TRAF3IP1: variants seen among roughly 807,000 people sequenced by gnomAD.
The protein encoded by TRAF3IP1 is intraflagellar transport 54.
In TRAF3IP1, 53 loss-of-function variants were observed where a neutral mutation model predicts 89.9. The observed-to-expected ratio is 0.59, with a 90% CI of 0.47 to 0.74. The LOEUF is 0.74. TRAF3IP1 is among the 30% of genes least tolerant of loss of function. TRAF3IP1 has a pLI of 0.00. For synonymous variants in TRAF3IP1, 311 were observed against 322.1 expected (o/e 0.97, Z 0.37); for missense variants, 806 against 866.1 (o/e 0.93, Z 0.87).
intron 15 of TRAF3IP1, among the ~76,000 whole-genome samples, chr2:238,358,984 C>T (rs372510865): frequency 6.6e-6 from 1 of 152,210 alleles, no homozygotes; most frequent in Non-Finnish European, 1.5e-5. Context: ...TGGTCTCTTG[C>T]AACTATTGAA....
At chr2:238,367,163 C>CAA (rs33964253) in intron 15 of TRAF3IP1, among the ~76,000 whole-genome samples, 3,596 of 36,144 alleles carry the variant, frequency 0.099, 1,139 homozygotes, top group Middle Eastern at 0.38. Context: ...GACTCTGTCT[C>CAA]AAAAAAAAAA....
chr2:238,328,937 C>T lies in TRAF3IP1; in HGVS notation c.510C>T (p.Asp170=), dbSNP rs140534535. The part of the protein sequence containing the change: ...RVHKNTEDRG[D]AEIKERSTSR... The stretch of plus-strand genomic sequence containing the variant: ...TTTTTATTTCGTAGGATAGAGGAGA[C>T]GCTGAAATAAAAGAGAGAAGTACAA... The change falls in exon 5 of 17, where the codon GAC becomes GAT. Residue 170 remains aspartate, a synonymous_variant. Transcript: ENST00000373327. 265 of 1,554,710 alleles carry T rather than the reference C, an allele frequency of 1.7e-4. No individual in the cohort carries two copies. In the African/African-American group the frequency reaches 1.9e-3, roughly 11 times the overall value.
chr2:238,375,835 G>C (rs778162905), intron 15 of TRAF3IP1, among the ~76,000 whole-genome samples: 20 of 152,166 alleles, frequency 1.3e-4, no homozygotes, highest in Non-Finnish European at 2.4e-4. Flanking sequence ...AAAAAGTAAA[G>C]CTTTGTTTTG....
At chr2:238,353,424 G>T (rs1699263590) in intron 14 of TRAF3IP1, among the ~76,000 whole-genome samples, 1 of 152,208 alleles carries the variant, frequency 6.6e-6, no homozygotes, top group African/African-American at 2.4e-5. Flanking sequence ...AGAGGAGGGG[G>T]AGGGCACAGT....
chr2:238,345,020 T>C lies in TRAF3IP1; in HGVS notation c.1261+422T>C, dbSNP rs939644856. 4.6e-5 allele frequency among the ~76,000 whole-genome samples: 7 copies of C among 152,200 alleles called. No homozygotes were observed. Among genetic ancestry groups the C allele is most frequent in the Non-Finnish European group, 7.3e-5 (5 of 68,036 alleles). ...GAATTATACCTCAGTGGGATTTTAC[T>C]TTCACCATAAATTTTCTCAGCCTTT... is the stretch of plus-strand genomic sequence containing the variant. On this transcript the variant is annotated intron_variant, in intron 9 of 16. Transcript: ENST00000373327. The surrounding 1 kb of genome is among the most constrained non-coding windows in gnomAD (Gnocchi z 4.7).
At position 238,345,522 on chromosome 2, in the gene TRAF3IP1, A is replaced by G. The variant is rs1013802434; in HGVS notation, c.1261+924A>G. Among the ~76,000 whole-genome samples, 7 of 152,242 alleles carry G rather than the reference A, an allele frequency of 4.6e-5. No individual in the cohort carries two copies. Among genetic ancestry groups the G allele is most frequent in the African/African-American group, 1.7e-4 (7 of 41,462 alleles). The stretch of plus-strand genomic sequence containing the variant: ...TGCCAGCTTATGGAGTTTAGCCTTT[A>G]TTGGAAGAGCAGCGGGAGGCTAATT... On this transcript the variant is annotated intron_variant, in intron 9 of 16. Coordinates refer to ENST00000373327, the MANE Select transcript of TRAF3IP1 (RefSeq NM_015650.4). The surrounding 1 kb of genome is among the most constrained non-coding windows in gnomAD (Gnocchi z 4.7).
chr2:238,326,137 A>G (rs1697821783), intron 3 of TRAF3IP1, among the ~76,000 whole-genome samples, 167 bp downstream of exon 3: 1 of 152,258 alleles, frequency 6.6e-6, no homozygotes, highest in South Asian at 2.1e-4. Flanking sequence ...CCAGAGATAC[A>G]GAAGGAGTAA....
chr2:238,370,340 G>T (rs954468792), intron 15 of TRAF3IP1, among the ~76,000 whole-genome samples: 3 of 152,132 alleles, frequency 2.0e-5, no homozygotes, highest in South Asian at 2.1e-4. Flanking sequence ...GTATGCGTAT[G>T]TGTGCGTGTC....
At chr2:238,378,502 C>T (rs1006846701) in intron 15 of TRAF3IP1, among the ~76,000 whole-genome samples, 1 of 152,148 alleles carries the variant, frequency 6.6e-6, no homozygotes, top group Non-Finnish European at 1.5e-5. Flanking sequence ...CCTCAAATAA[C>T]CTTTGCCTGG....
chr2:238,392,998 AT>A (rs1159145781), intron 15 of TRAF3IP1, among the ~76,000 whole-genome samples: 1 of 152,234 alleles, frequency 6.6e-6, no homozygotes, highest in Non-Finnish European at 1.5e-5. Flanking sequence ...TGATTAAAGC[AT>A]CCGCATGCAT....
chr2:238,335,691 C>G (rs1398792635), intron 7 of TRAF3IP1, among the ~76,000 whole-genome samples: 1 of 152,114 alleles, frequency 6.6e-6, no homozygotes, highest in East Asian at 1.9e-4. Context: ...GTGTCCCCCT[C>G]TTCTGAGAAC....
At chr2:238,356,834 A>G (rs1470126801) in intron 15 of TRAF3IP1, among the ~76,000 whole-genome samples, 1 of 149,856 alleles carries the variant, frequency 6.7e-6, no homozygotes, top group African/African-American at 2.5e-5. Context: ...GCTGGAGAGC[A>G]GTGGCATGAT....
chr2:238,392,492 A>T (rs970362388), intron 15 of TRAF3IP1, among the ~76,000 whole-genome samples: 1 of 152,028 alleles, frequency 6.6e-6, no homozygotes, highest in East Asian at 1.9e-4. Context: ...ATCCTACAGC[A>T]TGTAACCTCT....
At chr2:238,362,928 C>G (rs193163715) in intron 15 of TRAF3IP1, among the ~76,000 whole-genome samples, 4 of 152,186 alleles carry the variant, frequency 2.6e-5, no homozygotes, top group African/African-American at 9.7e-5. Context: ...GAAACAGGGT[C>G]GACCAGCTGT....
intron 15 of TRAF3IP1, among the ~76,000 whole-genome samples, chr2:238,356,676 C>T (rs553252051): frequency 6.6e-6 from 1 of 152,272 alleles, no homozygotes; most frequent in African/African-American, 2.4e-5. Context: ...GACTCCCTGA[C>T]TCTCCCCTTC....
intron 15 of TRAF3IP1, among the ~76,000 whole-genome samples, chr2:238,388,290 A>G (rs967477364): frequency 3.4e-5 from 5 of 149,136 alleles, no homozygotes; most frequent in African/African-American, 1.2e-4. Flanking sequence ...CAGGAGAATC[A>G]CTTGAACTGG....
intron 15 of TRAF3IP1, among the ~76,000 whole-genome samples, chr2:238,390,722 C>T (rs1382169692): frequency 6.6e-6 from 1 of 152,116 alleles, no homozygotes; most frequent in Non-Finnish European, 1.5e-5. Flanking sequence ...TATATTATCC[C>T]ATTTAATGTT....
At chr2:238,387,370 T>C (rs557463860) in intron 15 of TRAF3IP1, among the ~76,000 whole-genome samples, 1 of 152,370 alleles carries the variant, frequency 6.6e-6, no homozygotes, top group East Asian at 1.9e-4. Context: ...TGCTGCCAGA[T>C]AACAGTTCAG....
chr2:238,352,786 AAATGTGT>A (rs1459580090), intron 12 of TRAF3IP1, 34 bp from the exon 13 acceptor site: 1 of 1,576,406 alleles, frequency 6.3e-7, no homozygotes, highest in South Asian at 1.2e-5. Flanking sequence ...GGACTGATGA[AAATGTGT>A]AATTCTAATT....
Sources: allele counts gnomAD v4.1 joint callset (sites outside exome capture counted in the v4.1 genomes callset), GRCh38; gene constraint gnomAD v4.1.1; non-coding constraint Gnocchi (gnomAD v3.1); transcripts MANE v1.5; gene names NCBI Gene and HGNC (gene_info 2026-07-23, HGNC 2026-07-21).